KIAA0232: variants seen among roughly 807,000 people sequenced by gnomAD.
KIAA0232 encodes KIAA0232.
In KIAA0232, 27 loss-of-function variants were observed where a neutral mutation model predicts 122.0. That is an observed-to-expected ratio of 0.22 (90% confidence interval 0.16 to 0.31). The LOEUF is 0.31. KIAA0232 is among the 10% of genes least tolerant of loss of function. The pLI, the probability that KIAA0232 is intolerant of heterozygous loss-of-function variation, is 1.00. For missense variants in KIAA0232, 1,551 were observed against 1,634.2 expected (o/e 0.95, Z 0.88); for synonymous variants, 613 against 587.6 (o/e 1.04, Z -0.63).
chr4:6,813,667 TG>T (rs1355258274), intron 2 of KIAA0232, among the ~76,000 whole-genome samples: 1 of 152,158 alleles, frequency 6.6e-6, no homozygotes, highest in Non-Finnish European at 1.5e-5. Flanking sequence ...TGGCCAGGTC[TG>T]TTGTTTTTTT....
intron 6 of KIAA0232, among the ~76,000 whole-genome samples, chr4:6,859,350 T>C (rs763491907): frequency 1.3e-5 from 2 of 152,140 alleles, no homozygotes; most frequent in African/African-American, 2.4e-5. Context: ...AAGAAAAAAA[T>C]AGCATTTCCT....
intron 9 of KIAA0232, among the ~76,000 whole-genome samples, chr4:6,880,539 C>A (rs1180394177): frequency 2.0e-5 from 3 of 152,222 alleles, no homozygotes; most frequent in African/African-American, 4.8e-5. Flanking sequence ...TGAAATAATT[C>A]TTTATCCTAC....
At position 6,881,624 on chromosome 4, in the gene KIAA0232, G is replaced by C. The variant is rs1397182875; in HGVS notation, c.*658G>C. ...ATGGTTCGTGACTTTCTTGCTAACTGAAGAAGCCAAGGATTTGGGGTGTGG... is the reference window on the plus strand; with the variant it reads ...ATGGTTCGTGACTTTCTTGCTAACTCAAGAAGCCAAGGATTTGGGGTGTGG... On this transcript the variant is annotated 3_prime_UTR_variant, in exon 10 of 10. Coordinates refer to ENST00000307659, the MANE Select transcript of KIAA0232 (RefSeq NM_014743.3). 2 of 152,644 alleles carry C rather than the reference G, an allele frequency of 1.3e-5. No homozygotes were observed. The highest frequency in any genetic ancestry group is 2.4e-5 in the African/African-American group (1 of 41,452). 9.5% of individuals were successfully genotyped at this position (152,644 alleles called of 1,614,324 possible). A position where few individuals can be genotyped will look rare whatever the true frequency, so the allele number is the denominator to read the frequency against.
At position 6,883,746 on chromosome 4, in the gene KIAA0232, CAG is replaced by C. The variant is rs1296887778; in HGVS notation, c.*2781_*2782del. 1.3e-5 allele frequency: 2 copies of C among 152,026 alleles called. No homozygotes were observed. Among genetic ancestry groups the C allele is most frequent in the Non-Finnish European group, 2.9e-5 (2 of 68,022 alleles). 9.4% of individuals were successfully genotyped at this position (152,026 alleles called of 1,614,324 possible). On this transcript the variant is annotated 3_prime_UTR_variant, in exon 10 of 10. Coordinates refer to ENST00000307659, the MANE Select transcript of KIAA0232 (RefSeq NM_014743.3). ...TTGATATTCATTGTGCAAAAAAAAT[CAG>C]TGTGTTTTTAAAGAAGTATAAGGGA...
Position 6,882,217 on chromosome 4 carries a change from T to G in KIAA0232, c.*1251T>G, listed in dbSNP as rs553973974. ...GTGCACAGCCGAAACATTTTACATTTTTTACATTGTTTTTCTTTTTTAACC... is the reference window on the plus strand; with the variant it reads ...GTGCACAGCCGAAACATTTTACATTGTTTACATTGTTTTTCTTTTTTAACC... On this transcript the variant is annotated 3_prime_UTR_variant, in exon 10 of 10. Coordinates refer to ENST00000307659, the MANE Select transcript of KIAA0232 (RefSeq NM_014743.3). 6.6e-6 allele frequency: 1 copy of G among 152,326 alleles called. No homozygotes were observed. Among genetic ancestry groups the G allele is most frequent in the South Asian group, 2.1e-4 (1 of 4,826 alleles). 9.4% of individuals were successfully genotyped at this position (152,326 alleles called of 1,614,324 possible). A position where few individuals can be genotyped will look rare whatever the true frequency, so the allele number is the denominator to read the frequency against.
intron 9 of KIAA0232, among the ~76,000 whole-genome samples, chr4:6,877,359 T>A (rs1721813168): frequency 6.6e-6 from 1 of 152,206 alleles, no homozygotes; most frequent in Non-Finnish European, 1.5e-5. Flanking sequence ...TTTAGTCTCG[T>A]CTTAGACCTT....
intron 3 of KIAA0232, among the ~76,000 whole-genome samples, chr4:6,840,594 C>G (rs1404043174): frequency 2.0e-5 from 3 of 152,166 alleles, no homozygotes; most frequent in Non-Finnish European, 4.4e-5. Flanking sequence ...TGATAATAGA[C>G]TCTCATGCTG....
At chr4:6,796,842 C>T (rs544284450) in intron 1 of KIAA0232, among the ~76,000 whole-genome samples, 2 of 152,232 alleles carry the variant, frequency 1.3e-5, no homozygotes, top group Admixed American at 6.5e-5. Flanking sequence ...CCTTAGCTAC[C>T]GTGATGGGAG....
chr4:6,810,516 T>C (rs1186883826), intron 2 of KIAA0232, among the ~76,000 whole-genome samples: 2 of 152,142 alleles, frequency 1.3e-5, no homozygotes, highest in Non-Finnish European at 2.9e-5. Context: ...GACATTGATA[T>C]AGGCAAAGAA....
chr4:6,834,944 T>C (rs1719184012), intron 3 of KIAA0232, among the ~76,000 whole-genome samples: 1 of 152,112 alleles, frequency 6.6e-6, no homozygotes, highest in Non-Finnish European at 1.5e-5. Context: ...CAAAACTTAG[T>C]AGCATTAAAA....
At position 6,861,381 on chromosome 4, in the gene KIAA0232, G is replaced by A. The variant is rs746207206; in HGVS notation, c.999G>A (p.Arg333=). 6.2e-7 allele frequency: 1 copy of A among 1,614,190 alleles called. No individual in the cohort carries two copies. The highest frequency in any genetic ancestry group is 8.5e-7 in the Non-Finnish European group (1 of 1,180,040). ...AAAAAGGGCGGAATGGGCAAAGCAG[G>A]CTTTCTTTGAAGCACGGTGAAAAGG... The part of the protein sequence containing the change: ...RNKKGRNGQS[R]LSLKHGEKAE... Residue 333 remains arginine, a synonymous_variant, in exon 7 of 10, where the codon AGG becomes AGA. Coordinates refer to ENST00000307659, the MANE Select transcript of KIAA0232 (RefSeq NM_014743.3).
At chr4:6,820,814 C>CAGATTAGGTATTTATAA (rs1199962475) in intron 2 of KIAA0232, among the ~76,000 whole-genome samples, 1 of 152,150 alleles carries the variant, frequency 6.6e-6, no homozygotes, top group East Asian at 1.9e-4. Flanking sequence ...CAGAATGACA[C>CAGATTAGGTATTTATAA]AGATTAGGTA....
chr4:6,833,705 G>GT (rs1273206662), intron 3 of KIAA0232, among the ~76,000 whole-genome samples: 8 of 152,146 alleles, frequency 5.3e-5, no homozygotes, highest in African/African-American at 1.9e-4. Flanking sequence ...ATACATGCCA[G>GT]TATTCACTTT....
chr4:6,855,085 A>T lies in KIAA0232; in HGVS notation c.370-2079A>T, dbSNP rs1392262671. 2.0e-5 allele frequency among the ~76,000 whole-genome samples: 3 copies of T among 149,610 alleles called. No homozygotes were observed. The highest frequency in any genetic ancestry group is 4.2e-4 in the South Asian group (2 of 4,710). Reference sequence around the variant, plus strand: ...CATGATTTTTTATTTTTTATTTTTTATTTTTTTTTATTTTTTTGAGACCGA... The same window carrying T: ...CATGATTTTTTATTTTTTATTTTTTTTTTTTTTTTATTTTTTTGAGACCGA... On this transcript the variant is annotated intron_variant, in intron 4 of 9. Transcript: ENST00000307659. The surrounding 1 kb of genome is among the most constrained non-coding windows in gnomAD (Gnocchi z 4.3).
chr4:6,866,086 C>A, intron 7 of KIAA0232: 1 of 286,276 alleles, frequency 3.5e-6, no homozygotes, highest in Non-Finnish European at 5.2e-6. Flanking sequence ...TGAAACACTG[C>A]TAAGAAAAAA....
chr4:6,793,870 A>G (rs914356086), intron 1 of KIAA0232, among the ~76,000 whole-genome samples: 1 of 152,228 alleles, frequency 6.6e-6, no homozygotes, highest in African/African-American at 2.4e-5. Context: ...AGAGATTCCG[A>G]AAAACTTCCC....
At chr4:6,867,724 C>G (rs570596403) in intron 7 of KIAA0232, among the ~76,000 whole-genome samples, 19 of 152,206 alleles carry the variant, frequency 1.2e-4, no homozygotes, top group Non-Finnish European at 2.5e-4. Flanking sequence ...GATGTGCCAC[C>G]CGGCACATCT....
rs759739365 is a variant in KIAA0232, at chr4:6,844,089, G to A, written c.369+1885G>A. The stretch of plus-strand genomic sequence containing the variant: ...TGAATAGCTGGGACTACAGGCGCCC[G>A]CCACCACGCCCGGCTAATTTTTTGT... On this transcript the variant is annotated intron_variant, in intron 4 of 9. Coordinates refer to ENST00000307659, the MANE Select transcript of KIAA0232 (RefSeq NM_014743.3). Among the ~76,000 whole-genome samples the A allele has an allele frequency of 4.6e-4, 69 of 151,442 alleles. 1 individual carries two copies. Among genetic ancestry groups the A allele is most frequent in the Non-Finnish European group, 7.7e-4 (52 of 67,842 alleles).
At chr4:6,838,111 C>A (rs1385860980) in intron 3 of KIAA0232, among the ~76,000 whole-genome samples, 1 of 151,958 alleles carries the variant, frequency 6.6e-6, no homozygotes, top group African/African-American at 2.4e-5. Flanking sequence ...GGAGCAATAC[C>A]TTTCAGATTC....
Sources: allele counts gnomAD v4.1 joint callset (sites outside exome capture counted in the v4.1 genomes callset), GRCh38; gene constraint gnomAD v4.1.1; non-coding constraint Gnocchi (gnomAD v3.1); transcripts MANE v1.5; gene names NCBI Gene and HGNC (gene_info 2026-07-23, HGNC 2026-07-21).